Variants in DENND2B observed in about 807,000 individuals in gnomAD.
DENND2B encodes DENN domain containing 2B.
Under a neutral mutation model 116.0 loss-of-function variants are expected in DENND2B, and 32 were observed. That is an observed-to-expected ratio of 0.28 (90% CI 0.21 to 0.37). The LOEUF (loss-of-function observed/expected upper bound fraction) is 0.37. Ranked by LOEUF, DENND2B falls within the 10% of genes least tolerant of loss-of-function variation. The pLI is 1.00. For missense variants in DENND2B, 1,276 were observed against 1,477.7 expected (o/e 0.86, Z 2.24); for synonymous variants, 588 against 583.9 (o/e 1.01, Z -0.10).
In DENND2B at chr11:8,745,206, C is replaced by A. The variant is rs149083147; in HGVS notation, c.80+5415G>T. 5.2e-3 allele frequency among the ~76,000 whole-genome samples: 798 copies of A among 152,240 alleles called. 8 individuals are homozygous for A. The highest frequency in any genetic ancestry group is 0.018 in the African/African-American group (767 of 41,542). On this transcript the variant is annotated intron_variant, in intron 2 of 19. Transcript: ENST00000313726. ...AGTAGCTGGGACTACAGGTGTGCAC[C>A]ACCACATCCAGCTAATTTTTGTACT...
At chr11:8,747,122 A>T (rs1202402397) in intron 2 of DENND2B, among the ~76,000 whole-genome samples, 1 of 152,220 alleles carries the variant, frequency 6.6e-6, no homozygotes, top group Non-Finnish European at 1.5e-5. Flanking sequence ...CCATCTATCT[A>T]GTTGACTAAT....
intron 1 of DENND2B, among the ~76,000 whole-genome samples, chr11:8,886,302 GAAGCACTAAA>G (rs2063960434): frequency 6.6e-6 from 1 of 152,088 alleles, no homozygotes; most frequent in Non-Finnish European, 1.5e-5. Flanking sequence ...TTCTACTAGT[GAAGCACTAAA>G]ACATATCCTT....
At chr11:8,838,784 G>A (rs1369967905) in intron 4 of DENND2B, among the ~76,000 whole-genome samples, 1 of 152,122 alleles carries the variant, frequency 6.6e-6, no homozygotes, top group Non-Finnish European at 1.5e-5. Context: ...AAGCATTTAC[G>A]GAAAACTTAG....
At chr11:8,708,654 C>T (rs1403208788) in intron 11 of DENND2B, among the ~76,000 whole-genome samples, 1 of 152,090 alleles carries the variant, frequency 6.6e-6, no homozygotes, top group Non-Finnish European at 1.5e-5. Context: ...AAGAATGGGA[C>T]TTAAAAGGTA....
chr11:8,794,950 T>A (rs2059687279), intron 1 of DENND2B: 1 of 152,282 alleles, frequency 6.6e-6, no homozygotes, highest in Non-Finnish European at 1.5e-5. Context: ...CCCAGGCATG[T>A]CCTGTGTAAA....
chr11:8,761,362 T>C (rs550642181), intron 1 of DENND2B, among the ~76,000 whole-genome samples: 11 of 152,314 alleles, frequency 7.2e-5, no homozygotes, highest in East Asian at 1.9e-4. Flanking sequence ...AGGAGGCAGA[T>C]TGGAAGCCTG....
chr11:8,897,431 C>A (rs760100693), intron 1 of DENND2B, among the ~76,000 whole-genome samples: 16 of 152,152 alleles, frequency 1.1e-4, no homozygotes, highest in Non-Finnish European at 2.1e-4. Flanking sequence ...TCTATCAGGA[C>A]AGTAAAATCC....
At chr11:8,700,052 C>T (rs770995984) in intron 14 of DENND2B, 8 of 436,092 alleles carry the variant, frequency 1.8e-5, no homozygotes, top group African/African-American at 6.5e-5. Context: ...CACAGCCCCA[C>T]GGGAGCTGGC....
intron 4 of DENND2B, chr11:8,830,682 A>G (rs969063551): frequency 4.6e-5 from 7 of 152,188 alleles, no homozygotes; most frequent in African/African-American, 1.4e-4. Context: ...CCCAACTCCT[A>G]AAGTATCTTC....
chr11:8,718,501 G>C (rs1767381702), intron 4 of DENND2B: 1 of 1,464,180 alleles, frequency 6.8e-7, no homozygotes, highest in Non-Finnish European at 9.0e-7. Flanking sequence ...GAACGGAACA[G>C]TGATTAGCAA....
chr11:8,843,034 T>G (rs75060843), intron 3 of DENND2B, among the ~76,000 whole-genome samples: 3 of 151,792 alleles, frequency 2.0e-5, no homozygotes, highest in South Asian at 2.1e-4. Flanking sequence ...CTTTTTTTTT[T>G]GAAATGCAGT....
At chr11:8,818,732 ACT>A (rs2061662663) in intron 4 of DENND2B, among the ~76,000 whole-genome samples, 1 of 152,176 alleles carries the variant, frequency 6.6e-6, no homozygotes, top group South Asian at 2.1e-4. Flanking sequence ...CTATGTCTTA[ACT>A]CTGAATTCTA....
chr11:8,742,531 A>C (rs2050405379), intron 2 of DENND2B, among the ~76,000 whole-genome samples: 1 of 152,248 alleles, frequency 6.6e-6, no homozygotes, highest in Admixed American at 6.5e-5. Flanking sequence ...GTGGTAACAT[A>C]GATAATAGGA....
At chr11:8,860,445 C>A (rs766272085) in intron 2 of DENND2B, among the ~76,000 whole-genome samples, 6 of 151,672 alleles carry the variant, frequency 4.0e-5, no homozygotes, top group Non-Finnish European at 7.4e-5. Context: ...CTTTTTAATA[C>A]CTTCAAAAAC....
At chr11:8,805,242 C>T (rs2060738853) in intron 1 of DENND2B, among the ~76,000 whole-genome samples, 1 of 152,180 alleles carries the variant, frequency 6.6e-6, no homozygotes, top group African/African-American at 2.4e-5. Flanking sequence ...ATGGTTCCAT[C>T]AGAATTGCTC....
chr11:8,700,024 G>A (rs755882175), intron 14 of DENND2B: 8 of 456,116 alleles, frequency 1.8e-5, no homozygotes, highest in Admixed American at 9.4e-5. Context: ...TGCAACCACA[G>A]GAAACAATAG....
chr11:8,786,702 C>A (rs971364494), intron 1 of DENND2B, among the ~76,000 whole-genome samples: 3 of 152,170 alleles, frequency 2.0e-5, no homozygotes, highest in African/African-American at 7.2e-5. Context: ...CCTAGCTACT[C>A]AGGAGGCTGA....
At chr11:8,714,241 T>C (rs2044310914) in intron 7 of DENND2B, among the ~76,000 whole-genome samples, 199 bp from the exon 8 acceptor site, 1 of 152,188 alleles carries the variant, frequency 6.6e-6, no homozygotes, top group African/African-American at 2.4e-5. Context: ...GCGAATCCTA[T>C]ATTCAAACCC....
intron 1 of DENND2B, among the ~76,000 whole-genome samples, chr11:8,792,449 T>C (rs1406132274): frequency 1.3e-5 from 2 of 152,016 alleles, no homozygotes. Flanking sequence ...AATAAAAATG[T>C]AAAACATGTG....
Sources: allele counts gnomAD v4.1 joint callset (sites outside exome capture counted in the v4.1 genomes callset), GRCh38; gene constraint gnomAD v4.1.1; transcripts MANE v1.5; gene names NCBI Gene and HGNC (gene_info 2026-07-23, HGNC 2026-07-21).